The following VEZT variants were observed in gnomAD, a reference collection of about 807,000 sequenced individuals.
VEZT encodes the protein vezatin, adherens junctions transmembrane protein.
VEZT carries 39 observed loss-of-function variants against 79.9 expected under a neutral mutation model. The ratio of observed to expected loss-of-function variants is 0.49; its 90% CI spans 0.38 to 0.64. The LOEUF (loss-of-function observed/expected upper bound fraction) is 0.64. Among genes scored for constraint, VEZT ranks in the 30% least tolerant of loss-of-function variants. VEZT has a pLI of 0.00. For missense variants in VEZT, 837 were observed against 893.1 expected (o/e 0.94, Z 0.80); for synonymous variants, 325 against 327.6 (o/e 0.99, Z 0.09).
At chr12:95,254,533 G>T (rs1283064285) in intron 2 of VEZT, among the ~76,000 whole-genome samples, 1 of 151,818 alleles carries the variant, frequency 6.6e-6, no homozygotes, top group Non-Finnish European at 1.5e-5. Context: ...TTTTAGTAGA[G>T]ATGGGGTTTT....
At chr12:95,238,931 A>C (rs904206221) in intron 1 of VEZT, among the ~76,000 whole-genome samples, 1 of 152,242 alleles carries the variant, frequency 6.6e-6, no homozygotes, top group African/African-American at 2.4e-5. Flanking sequence ...AGGACACTAA[A>C]AAGGAATAAG....
intron 1 of VEZT, among the ~76,000 whole-genome samples, chr12:95,241,629 A>G (rs1279813003): frequency 3.3e-5 from 5 of 152,274 alleles, no homozygotes; most frequent in African/African-American, 1.2e-4. Flanking sequence ...TTTAACAATG[A>G]AAAATGTCTC....
intron 1 of VEZT, 134 bp downstream of exon 1, chr12:95,218,020 C>A (rs972894754): frequency 3.6e-6 from 3 of 841,828 alleles, no homozygotes; most frequent in Non-Finnish European, 3.5e-6. Context: ...CGAACCCCAG[C>A]GATTTCAGGG....
Position 95,274,722 on chromosome 12 carries a change from T to C in VEZT, c.849-20T>C. The C allele has an allele frequency of 6.3e-7, 1 of 1,596,674 alleles. No individual in the cohort carries two copies. The highest frequency in any genetic ancestry group is 8.5e-7 in the Non-Finnish European group (1 of 1,173,496). ...TGCTTTCATGAAAAGGCTTTGTTGA[T>C]TGCCTTAACCTAATTTAACCTACCC... On this transcript the variant is annotated intron_variant, in intron 6 of 11. Transcript: ENST00000436874.
chr12:95,273,048 A>G (rs1232710133), intron 6 of VEZT, among the ~76,000 whole-genome samples: 1 of 152,192 alleles, frequency 6.6e-6, no homozygotes, highest in Non-Finnish European at 1.5e-5. Flanking sequence ...TTTCTTATCA[A>G]AATAAAAATC....
intron 11 of VEZT, chr12:95,296,817 G>A (rs1159560368): frequency 6.6e-6 from 1 of 152,532 alleles, no homozygotes; most frequent in Non-Finnish European, 1.5e-5. Context: ...GCGCGTGCCT[G>A]TAGTCCCAGC....
At chr12:95,224,035 C>T in intron 1 of VEZT, 3 of 298,174 alleles carry the variant, frequency 1.0e-5, no homozygotes, top group Non-Finnish European at 1.4e-5. Flanking sequence ...ATTTTTATTT[C>T]TTATTTAATA....
At chr12:95,229,581 A>G (rs1238267311) in intron 1 of VEZT, among the ~76,000 whole-genome samples, 3 of 152,186 alleles carry the variant, frequency 2.0e-5, no homozygotes, top group Non-Finnish European at 4.4e-5. Context: ...AGTAAATGAG[A>G]GTAGGCCCTT....
chr12:95,237,056 A>G (rs1444462190), intron 1 of VEZT, among the ~76,000 whole-genome samples: 2 of 152,348 alleles, frequency 1.3e-5, no homozygotes, highest in East Asian at 3.9e-4. Flanking sequence ...AAATAAAACA[A>G]CTATACACAG....
intron 10 of VEZT, 61 bp downstream of exon 10, chr12:95,294,433 A>C (rs962132031): frequency 7.5e-5 from 96 of 1,282,124 alleles, no homozygotes; most frequent in Non-Finnish European, 6.3e-5. Context: ...GAGCTTCAAA[A>C]TTACAACATA....
chr12:95,241,096 C>T (rs193108733), intron 1 of VEZT, among the ~76,000 whole-genome samples: 1 of 152,174 alleles, frequency 6.6e-6, no homozygotes, highest in East Asian at 1.9e-4. Flanking sequence ...AGTGCAGTGG[C>T]GCTATCTCAG....
At chr12:95,218,010 C>A in intron 1 of VEZT, 124 bp downstream of exon 1, 1 of 946,146 alleles carries the variant, frequency 1.1e-6, no homozygotes, top group Non-Finnish European at 1.5e-6. Context: ...CCTCGACCAC[C>A]GAACCCCAGC....
Position 95,282,605 on chromosome 12 carries a change from T to C in VEZT, c.1289T>C (p.Val430Ala). 1 of 1,610,720 alleles carries C rather than the reference T, an allele frequency of 6.2e-7. No homozygotes were observed. The highest frequency in any genetic ancestry group is 8.5e-7 in the Non-Finnish European group (1 of 1,177,476). ...GAACTGAATAATGTTCACACAGCAG[T>C]GCGTAGCTTGCAGCTCCATCTGAAA... Reference protein sequence around the residue: ...SRELNNVHTAVRSLQLHLKAL... With the variant: ...SRELNNVHTAARSLQLHLKAL... Residue 430 changes from valine to alanine, a missense_variant, in exon 8 of 12, where the codon GTG becomes GCG. By Grantham distance (64) the Val-to-Ala change is moderately conservative. Transcript: ENST00000436874.
rs2066316291 is a variant in VEZT at position 95,270,152 on chromosome 12, A to G, written c.812A>G (p.Gln271Arg). 3 of 1,610,696 alleles carry G rather than the reference A, an allele frequency of 1.9e-6. No homozygotes were observed. Among genetic ancestry groups the G allele is most frequent in the Non-Finnish European group, 2.5e-6 (3 of 1,178,554 alleles). Residue 271 changes from glutamine (Q) to arginine (R), a missense_variant, in exon 6 of 12, where the codon CAA (glutamine) becomes CGA (arginine). Gln to Arg is a conservative substitution (Grantham distance 43). Transcript: ENST00000436874. Reference protein sequence around the residue: ...AVYRTLRANFQAARLATLYML... With the variant: ...AVYRTLRANFRAARLATLYML... Reference sequence around the variant, plus strand: ...TACCGAACTCTAAGAGCCAACTTCCAAGCAGCAAGGCTAGCTACCCTATAT... The same window carrying G: ...TACCGAACTCTAAGAGCCAACTTCCGAGCAGCAAGGCTAGCTACCCTATAT...
intron 1 of VEZT, among the ~76,000 whole-genome samples, chr12:95,239,167 T>G (rs1248882821): frequency 6.6e-6 from 1 of 152,216 alleles, no homozygotes; most frequent in Admixed American, 6.5e-5. Context: ...TTATTTCTCA[T>G]TTTATATCTT....
Position 95,282,548 on chromosome 12 carries a change from A to G in VEZT, c.1232A>G (p.Gln411Arg), listed in dbSNP as rs768134431. 2.5e-6 allele frequency: 4 copies of G among 1,614,044 alleles called. No homozygotes were observed. The highest frequency in any genetic ancestry group is 3.4e-6 in the Non-Finnish European group (4 of 1,179,896). The change falls in exon 8 of 12, where the codon CAG (glutamine) becomes CGG (arginine). Residue 411 changes from glutamine (Q) to arginine (R), a missense_variant. Transcript: ENST00000436874. ...YFETQHQSVP[Q>R]CLSKTQQKSR... ...GAAACTCAGCACCAGTCAGTACCGC[A>G]GTGTTTATCCAAAACTCAACAGAAG...
rs549297688 is a variant in VEZT, at chr12:95,234,407, A to G, written c.36+16521A>G. 1.2e-4 allele frequency among the ~76,000 whole-genome samples: 18 copies of G among 150,896 alleles called. No homozygotes were observed. In the South Asian group the frequency reaches 3.8e-3, roughly 32 times the overall value. ...CGGGTTCAAGCGATTCTCCTGCCTCAGCCTGCCGAGTAGCTGGGATTACAG... is the reference window on the plus strand; with the variant it reads ...CGGGTTCAAGCGATTCTCCTGCCTCGGCCTGCCGAGTAGCTGGGATTACAG... On this transcript the variant is annotated intron_variant, in intron 1 of 11. Transcript: ENST00000436874.
chr12:95,293,534 GAT>G (rs1469162717), intron 9 of VEZT: 1 of 152,160 alleles, frequency 6.6e-6, no homozygotes, highest in Non-Finnish European at 1.5e-5. Context: ...ATCTTTAAAA[GAT>G]ATTTCCTTGT....
intron 3 of VEZT, among the ~76,000 whole-genome samples, chr12:95,257,682 C>T (rs935489338): frequency 6.6e-5 from 10 of 152,092 alleles, no homozygotes; most frequent in African/African-American, 2.4e-4. Flanking sequence ...GGGGGAAATA[C>T]TTCAACCTTC....
Sources: allele counts gnomAD v4.1 joint callset (sites outside exome capture counted in the v4.1 genomes callset), GRCh38; gene constraint gnomAD v4.1.1; transcripts MANE v1.5; gene names NCBI Gene and HGNC (gene_info 2026-07-23, HGNC 2026-07-21).